ANK1: variants seen among roughly 807,000 people sequenced by gnomAD.
ANK1 encodes the protein ankyrin 1.
A neutral mutation model predicts 210.4 loss-of-function variants in ANK1; 51 were observed. The ratio of observed to expected loss-of-function variants is 0.24; its 90% CI spans 0.19 to 0.31. The LOEUF is 0.31. Ranked by LOEUF, ANK1 falls within the 10% of genes least tolerant of loss-of-function variation. The probability of loss-of-function intolerance (pLI) is 1.00; values close to 1 mark genes in which losing one functional copy is unlikely to be tolerated. For synonymous variants in ANK1, 967 were observed against 1,025.9 expected, an observed-to-expected ratio of 0.94 and a Z score of 1.10; for missense variants, 2,051 against 2,504.4, an observed-to-expected ratio of 0.82 and a Z score of 3.86.
chr8:41,755,946 C>T (rs1320007289), intron 2 of ANK1, among the ~76,000 whole-genome samples: 1 of 152,078 alleles, frequency 6.6e-6, no homozygotes, highest in Non-Finnish European at 1.5e-5. Context: ...CCTCACTTTC[C>T]CTCTGAAGTG....
chr8:41,728,043 C>T (rs1831173529), intron 3 of ANK1, 37 bp from the exon 4 acceptor site: 3 of 1,606,696 alleles, frequency 1.9e-6, no homozygotes, highest in African/African-American at 2.7e-5. Context: ...AGGCGGTTTC[C>T]CACTGGGCCC....
intron 1 of ANK1, among the ~76,000 whole-genome samples, chr8:41,764,629 T>A (rs1303610279): frequency 1.3e-5 from 2 of 152,172 alleles, no homozygotes; most frequent in Non-Finnish European, 2.9e-5. Context: ...TGCTGGCACC[T>A]CTGTTGTGCA....
intron 16 of ANK1, 26 bp from the exon 17 acceptor site, chr8:41,709,001 C>A (rs377439396): frequency 6.2e-7 from 1 of 1,612,822 alleles, no homozygotes. Flanking sequence ...CCGCCCAGAG[C>A]CTGGTTACAG....
intron 1 of ANK1, among the ~76,000 whole-genome samples, chr8:41,774,405 A>G (rs1219957001): frequency 3.9e-5 from 6 of 152,190 alleles, no homozygotes; most frequent in Non-Finnish European, 1.5e-5. Context: ...TAGTTGACTA[A>G]ATTGTCAATG....
At chr8:41,806,143 C>T (rs1850937388) in intron 1 of ANK1, among the ~76,000 whole-genome samples, 1 of 152,172 alleles carries the variant, frequency 6.6e-6, no homozygotes, top group Non-Finnish European at 1.5e-5. Flanking sequence ...TCCCTGGGTC[C>T]CCAGGCTACA....
chr8:41,884,671 C>A (rs1221245506), intron 1 of ANK1, among the ~76,000 whole-genome samples: 2 of 151,980 alleles, frequency 1.3e-5, no homozygotes, highest in African/African-American at 4.8e-5. Flanking sequence ...TCTGTCTCTA[C>A]AAGAAATAAA....
At chr8:41,768,409 T>C (rs1025475348) in intron 1 of ANK1, among the ~76,000 whole-genome samples, 8 of 152,222 alleles carry the variant, frequency 5.3e-5, no homozygotes, top group African/African-American at 1.9e-4. Flanking sequence ...CAGCTGCGCG[T>C]TGGTGAGGAA....
intron 1 of ANK1, among the ~76,000 whole-genome samples, chr8:41,844,574 C>T (rs915674915): frequency 1.3e-5 from 2 of 152,188 alleles, no homozygotes; most frequent in Non-Finnish European, 2.9e-5. Flanking sequence ...CGGTCAAAGC[C>T]TCGGGGCCCC....
intron 24 of ANK1, chr8:41,697,639 C>G (rs1433203153): frequency 5.8e-6 from 2 of 344,656 alleles, no homozygotes; most frequent in African/African-American, 2.1e-5. Flanking sequence ...CCCCGGCTCC[C>G]AGGAGGCAGG....
intron 37 of ANK1, among the ~76,000 whole-genome samples, chr8:41,678,870 G>A (rs570264979): frequency 6.6e-6 from 1 of 152,046 alleles, no homozygotes; most frequent in Non-Finnish European, 1.5e-5. Flanking sequence ...TGCCACCTCC[G>A]CCTCCTGAGT....
chr8:41,829,126 G>A (rs562653319), intron 1 of ANK1: 3 of 152,444 alleles, frequency 2.0e-5, no homozygotes, highest in Non-Finnish European at 2.9e-5. Context: ...TCCCTACGGG[G>A]ACGGGGGCCA....
chr8:41,849,535 T>C (rs1348862440), intron 1 of ANK1, among the ~76,000 whole-genome samples: 1 of 134,574 alleles, frequency 7.4e-6, no homozygotes, highest in Admixed American at 7.5e-5. Context: ...AAAAAAAAAA[T>C]GTAGTCATTT....
At chr8:41,718,049 A>T in intron 11 of ANK1, 57 bp downstream of exon 11, 1 of 1,531,528 alleles carries the variant, frequency 6.5e-7, no homozygotes. Context: ...CTCTTGGAGA[A>T]GGTGGGTCGG....
chr8:41,888,777 C>T (rs1245770087), intron 1 of ANK1, among the ~76,000 whole-genome samples: 1 of 152,190 alleles, frequency 6.6e-6, no homozygotes. Flanking sequence ...CCCAGGACTC[C>T]GTTTTCACCT....
At chr8:41,743,960 C>T (rs1835424062) in intron 2 of ANK1, among the ~76,000 whole-genome samples, 1 of 152,190 alleles carries the variant, frequency 6.6e-6, no homozygotes, top group African/African-American at 2.4e-5. Context: ...TAACAGGAAC[C>T]AGGGATCTTT....
At chr8:41,668,214 C>G in intron 39 of ANK1, 53 bp downstream of exon 39, 3 of 1,611,248 alleles carry the variant, frequency 1.9e-6, no homozygotes, top group Non-Finnish European at 2.5e-6. Context: ...GAGTCCCGGC[C>G]CCTTCCGATG....
At chr8:41,891,331 G>A (rs1278926373) in intron 1 of ANK1, among the ~76,000 whole-genome samples, 1 of 152,042 alleles carries the variant, frequency 6.6e-6, no homozygotes, top group Non-Finnish European at 1.5e-5. Context: ...GAGCAGAACT[G>A]GTGAGCCAGC....
intron 1 of ANK1, among the ~76,000 whole-genome samples, chr8:41,893,012 C>A (rs188651638): frequency 6.6e-5 from 10 of 152,292 alleles, no homozygotes; most frequent in African/African-American, 2.4e-4. Flanking sequence ...GTGAACCTGT[C>A]ACTCAGGGCC....
chr8:41,754,149 C>T (rs565787198), intron 2 of ANK1, among the ~76,000 whole-genome samples: 16 of 152,326 alleles, frequency 1.1e-4, no homozygotes, highest in South Asian at 6.2e-4. Context: ...GGATAAGGAA[C>T]GTGACTTTAA....
Sources: allele counts gnomAD v4.1 joint callset (sites outside exome capture counted in the v4.1 genomes callset), GRCh38; gene constraint gnomAD v4.1.1; transcripts MANE v1.5; gene names NCBI Gene and HGNC (gene_info 2026-07-23, HGNC 2026-07-21).